Variants in PICK1 observed in about 807,000 individuals in gnomAD.
PICK1 encodes protein interacting with PRKCA 1.
In PICK1, 23 loss-of-function variants were observed where a neutral mutation model predicts 48.9. The observed-to-expected ratio is 0.47, with a 90% CI of 0.34 to 0.67. The LOEUF is 0.67. Ranked by LOEUF, PICK1 falls within the 30% of genes least tolerant of loss-of-function variation. PICK1 has a pLI of 0.01. For missense variants in PICK1, 423 were observed against 557.1 expected (o/e 0.76, Z 2.42); for synonymous variants, 217 against 228.2 (o/e 0.95, Z 0.44).
chr22:38,069,016 C>T lies in PICK1; in HGVS notation c.350-17C>T. On this transcript the variant is annotated splice_polypyrimidine_tract_variant and intron_variant, in intron 5 of 12. Coordinates refer to ENST00000356976, the MANE Select transcript of PICK1 (RefSeq NM_012407.4). ...TGGGCAGCCACAGACTCACCAGGTC[C>T]TTTGTCCCCCGCTCAGTGTTGAAGA... The T allele has an allele frequency of 6.2e-7, 1 of 1,606,646 alleles. No homozygotes were observed. The highest frequency in any genetic ancestry group is 8.5e-7 in the Non-Finnish European group (1 of 1,175,488).
rs867228972 is a variant in PICK1, at chr22:38,074,238, T to G, written c.835-69T>G. ...AGGTCTCAGGAATGAAGAACAGCCG[T>G]GGCTTTGAAAGCACAGTGCGGTGCG... On this transcript the variant is annotated intron_variant, in intron 11 of 12. Transcript: ENST00000356976. The surrounding 1 kb of genome is among the most constrained non-coding windows in gnomAD (Gnocchi z 4.5). The G allele has an allele frequency of 1.3e-6, 2 of 1,563,864 alleles. No homozygotes were observed. Among genetic ancestry groups the G allele is most frequent in the Middle Eastern group, 4.1e-4 (2 of 4,928 alleles).
rs904983531 is a variant in PICK1 at position 38,070,894 on chromosome 22, G to A, written c.493+3G>A. 1 of 1,613,388 alleles carries A rather than the reference G, an allele frequency of 6.2e-7. No individual in the cohort carries two copies. Among genetic ancestry groups the A allele is most frequent in the Non-Finnish European group, 8.5e-7 (1 of 1,179,470 alleles). ...GCGGACCGCTGAGCTATACAAAGGT[G>A]GGTGGGGGGTGGCCTCGTCCTGGCA... On this transcript the variant is annotated splice_donor_region_variant and intron_variant, in intron 7 of 12. Transcript: ENST00000356976.
In PICK1 at chr22:38,071,733, A is replaced by T. The variant is rs753896605; in HGVS notation, c.545A>T (p.Gln182Leu). Residue 182 changes from glutamine (Q) to leucine (L), a missense_variant, in exon 8 of 13, where the codon CAG (glutamine) becomes CTG (leucine). Physicochemically the swap from Gln to Leu is moderately radical, Grantham distance 113 (BLOSUM62 -2). Coordinates refer to ENST00000356976, the MANE Select transcript of PICK1 (RefSeq NM_012407.4). ...NLLRAFYELS[Q>L]THRAFGDVFS... ...CTACGGGCCTTTTATGAGCTGTCGC[A>T]GACTCACCGGGGTAATGGCATCCCC... is the stretch of plus-strand genomic sequence containing the variant. 6.2e-7 allele frequency: 1 copy of T among 1,613,346 alleles called. No individual in the cohort carries two copies. The highest frequency in any genetic ancestry group is 2.2e-5 in the East Asian group (1 of 44,874).
chr22:38,069,744 G>A (rs559845577), intron 6 of PICK1, among the ~76,000 whole-genome samples: 9 of 152,290 alleles, frequency 5.9e-5, no homozygotes, highest in Admixed American at 5.2e-4. Context: ...AAGTGGGGGT[G>A]GGGACTGAGC....
intron 5 of PICK1, among the ~76,000 whole-genome samples, chr22:38,068,630 C>G (rs997045770): frequency 6.6e-6 from 1 of 152,174 alleles, no homozygotes; most frequent in African/African-American, 2.4e-5. Context: ...GTGCCCATTA[C>G]TTTCACATAA....
At position 38,073,914 on chromosome 22, in the gene PICK1, G is replaced by A; in HGVS notation, c.834+91G>A. ...GCTCAGGCCAACCCGGGAGAGACCG[G>A]GGGGACTTGGCTGGACTCTCGTTCC... On this transcript the variant is annotated intron_variant, in intron 11 of 12. Transcript: ENST00000356976. This position sits in a 1 kb window ranked among gnomAD's most constrained non-coding sequence, Gnocchi z 5.7. 7 of 1,286,894 alleles carry A rather than the reference G, an allele frequency of 5.4e-6. No individual in the cohort carries two copies. The highest frequency in any genetic ancestry group is 6.8e-6 in the Non-Finnish European group (6 of 884,630). The allele number at this position is 1,286,894 out of a possible 1,614,324, so 79.7% of individuals were successfully genotyped here.
chr22:38,062,304 A>G (rs1204898853), intron 3 of PICK1, among the ~76,000 whole-genome samples: 3 of 146,614 alleles, frequency 2.0e-5, no homozygotes, highest in East Asian at 4.0e-4. Context: ...CTGGAGTGCA[A>G]TGGCGTGATC....
chr22:38,064,245 A>C (rs1326715213), intron 3 of PICK1, among the ~76,000 whole-genome samples: 1 of 151,800 alleles, frequency 6.6e-6, no homozygotes, highest in East Asian at 2.0e-4. Flanking sequence ...TTTAGTAGAG[A>C]TGGGGTTTCG....
chr22:38,073,887 T>C lies in PICK1; in HGVS notation c.834+64T>C. The C allele has an allele frequency of 6.6e-7, 1 of 1,525,410 alleles. No individual in the cohort carries two copies. Among genetic ancestry groups the C allele is most frequent in the Non-Finnish European group, 9.1e-7 (1 of 1,100,008 alleles). 94.5% of individuals were successfully genotyped at this position (1,525,410 alleles called of 1,614,324 possible). On this transcript the variant is annotated intron_variant, in intron 11 of 12. Coordinates refer to ENST00000356976, the MANE Select transcript of PICK1 (RefSeq NM_012407.4). This position sits in a 1 kb window ranked among gnomAD's most constrained non-coding sequence, Gnocchi z 5.7. Reference sequence around the variant, plus strand: ...CACCTGGTCTGCCAGGGATAGCAGGTGGCTCAGGCCAACCCGGGAGAGACC... The same window carrying C: ...CACCTGGTCTGCCAGGGATAGCAGGCGGCTCAGGCCAACCCGGGAGAGACC...
At chr22:38,062,749 T>G (rs1282049240) in intron 3 of PICK1, among the ~76,000 whole-genome samples, 2 of 152,184 alleles carry the variant, frequency 1.3e-5, no homozygotes, top group African/African-American at 4.8e-5. Context: ...GGGTCTGTCT[T>G]TTTTGGTCAT....
Position 38,064,409 on chromosome 22 carries a change from A to G in PICK1, c.154-593A>G, listed in dbSNP as rs145291401. The stretch of plus-strand genomic sequence containing the variant: ...AAGTAGTGTCAACTTCATTTTTCAC[A>G]TACCATTGTTGAAATGACTGTCCTT... On this transcript the variant is annotated intron_variant, in intron 3 of 12. Coordinates refer to ENST00000356976, the MANE Select transcript of PICK1 (RefSeq NM_012407.4). 2.0e-3 allele frequency among the ~76,000 whole-genome samples: 309 copies of G among 152,256 alleles called. 7 individuals are homozygous for G. In the East Asian group the frequency reaches 0.038, roughly 19 times the overall value.
chr22:38,071,897 G>C, intron 8 of PICK1, 153 bp downstream of exon 8: 5 of 718,348 alleles, frequency 7.0e-6, no homozygotes, highest in Non-Finnish European at 1.3e-5. Flanking sequence ...ATGGGCCTGC[G>C]GGGAACATCT....
chr22:38,071,600 A>T, intron 7 of PICK1, 82 bp from the exon 8 acceptor site: 1 of 1,212,134 alleles, frequency 8.2e-7, no homozygotes, highest in Non-Finnish European at 1.2e-6. Context: ...CTTGGGTGGC[A>T]TGGGCAATTG....
chr22:38,067,901 C>A, intron 5 of PICK1, 131 bp downstream of exon 5: 1 of 770,780 alleles, frequency 1.3e-6, no homozygotes, highest in Non-Finnish European at 2.3e-6. Context: ...TGGCTGTGGG[C>A]TCTGACCTCT....
chr22:38,065,972 G>T (rs1036101275), intron 4 of PICK1, among the ~76,000 whole-genome samples: 1 of 151,846 alleles, frequency 6.6e-6, no homozygotes, highest in Non-Finnish European at 1.5e-5. Flanking sequence ...CTGATAGTCC[G>T]CCTTCCTGCC....
intron 3 of PICK1, among the ~76,000 whole-genome samples, chr22:38,061,266 G>A (rs546805832): frequency 7.1e-4 from 108 of 152,146 alleles, no homozygotes; most frequent in Non-Finnish European, 6.3e-4. Context: ...GCTTGAACCC[G>A]GGAGATGGTG....
At chr22:38,057,619 A>T (rs1293311811) in intron 1 of PICK1, 32 bp downstream of exon 1, 8 of 583,610 alleles carry the variant, frequency 1.4e-5, no homozygotes, top group Admixed American at 2.9e-5. Context: ...CCCCACCCGG[A>T]GACTGTCCCA....
chr22:38,074,269 G>T lies in PICK1; in HGVS notation c.835-38G>T. On this transcript the variant is annotated intron_variant, in intron 11 of 12. Coordinates refer to ENST00000356976, the MANE Select transcript of PICK1 (RefSeq NM_012407.4). This position sits in a 1 kb window ranked among gnomAD's most constrained non-coding sequence, Gnocchi z 4.5. ...TGAAAGCACAGTGCGGTGCGAGGCC[G>T]TCCCTGAGCAGGCACTCCTGTCCCA... 1 of 1,610,802 alleles carries T rather than the reference G, an allele frequency of 6.2e-7. No homozygotes were observed. Among genetic ancestry groups the T allele is most frequent in the African/African-American group, 1.3e-5 (1 of 74,998 alleles).
chr22:38,068,209 T>C (rs879716533), intron 5 of PICK1: 1 of 448,116 alleles, frequency 2.2e-6, no homozygotes, highest in Non-Finnish European at 4.5e-6. Flanking sequence ...CCAGGGGGAC[T>C]CTGGATCTGA....
Sources: gnomAD v4.1 joint callset for allele counts (sites outside exome capture counted in the v4.1 genomes callset) on GRCh38, gnomAD v4.1.1 for gene constraint, Gnocchi (gnomAD v3.1) non-coding constraint, MANE v1.5 for transcripts, NCBI Gene and HGNC (gene_info 2026-07-23, HGNC 2026-07-21) for gene names.